RPTOR: variants seen among roughly 807,000 people sequenced by gnomAD.
The protein encoded by RPTOR is regulatory-associated protein of mTOR.
A neutral mutation model predicts 169.9 loss-of-function variants in RPTOR; 21 were observed. The observed-to-expected ratio is 0.12, with a 90% CI of 0.09 to 0.18. The LOEUF is 0.18. Ranked by LOEUF, RPTOR falls within the 10% of genes least tolerant of loss-of-function variation. RPTOR has a pLI of 1.00. For missense variants in RPTOR, 1,133 were observed against 1,855.9 expected (o/e 0.61, Z 7.16); for synonymous variants, 732 against 753.2 (o/e 0.97, Z 0.46).
chr17:80,596,933 C>T, intron 1 of RPTOR, among the ~76,000 whole-genome samples: 1 of 152,104 alleles, frequency 6.6e-6, no homozygotes, highest in East Asian at 1.9e-4. Flanking sequence ...CTTTGGTATT[C>T]CTGGCTGTTT....
At chr17:80,799,750 C>T (rs1297095359) in intron 7 of RPTOR, among the ~76,000 whole-genome samples, 1 of 148,994 alleles carries the variant, frequency 6.7e-6, no homozygotes, top group African/African-American at 2.5e-5. Flanking sequence ...CCCCTTCCCT[C>T]CCCAGCGGCC....
chr17:80,891,562 C>T (rs1319059037), intron 17 of RPTOR, among the ~76,000 whole-genome samples, 158 bp from the exon 18 acceptor site: 4 of 152,260 alleles, frequency 2.6e-5, no homozygotes, highest in African/African-American at 7.2e-5. Flanking sequence ...AAGGCCTCTG[C>T]TCTGACGGTT....
chr17:80,736,907 C>G (rs185310393), intron 5 of RPTOR, among the ~76,000 whole-genome samples: 2 of 152,236 alleles, frequency 1.3e-5, no homozygotes, highest in Non-Finnish European at 2.9e-5. Flanking sequence ...GCCGATTCCA[C>G]AGGAGCTCAG....
At position 80,820,369 on chromosome 17, in the gene RPTOR, T is replaced by C. The variant is rs1325040483; in HGVS notation, c.891-1832T>C. On this transcript the variant is annotated intron_variant, in intron 7 of 33. Transcript: ENST00000306801. The surrounding 1 kb of genome is among the most constrained non-coding windows in gnomAD (Gnocchi z 4.1). ...AAGACACAAGTGTGTTGGGGCTCCATGTCCACCCCACGATGCCCCCCGTGC... is the reference window on the plus strand; with the variant it reads ...AAGACACAAGTGTGTTGGGGCTCCACGTCCACCCCACGATGCCCCCCGTGC... 6.6e-6 allele frequency among the ~76,000 whole-genome samples: 1 copy of C among 152,222 alleles called. No individual in the cohort carries two copies. The highest frequency in any genetic ancestry group is 2.4e-5 in the African/African-American group (1 of 41,460).
At position 80,710,571 on chromosome 17, in the gene RPTOR, ATGTGTG is replaced by A. The variant is rs59732457; in HGVS notation, c.507+2608_507+2613del. Among the ~76,000 whole-genome samples the A allele has an allele frequency of 9.6e-3, 1,400 of 145,104 alleles. 7 individuals are homozygous for A. Among genetic ancestry groups the A allele is most frequent in the East Asian group, 0.023 (114 of 4,932 alleles). On this transcript the variant is annotated intron_variant, in intron 4 of 33. Coordinates refer to ENST00000306801, the MANE Select transcript of RPTOR (RefSeq NM_020761.3). ...TGATTTGCCTCCCTTGGTTATTTGT[ATGTGTG>A]TGTGTGTGTGTGTGTGTGTGTGTGT...
At chr17:80,652,741 C>T (rs2065650653) in intron 3 of RPTOR, among the ~76,000 whole-genome samples, 1 of 152,140 alleles carries the variant, frequency 6.6e-6, no homozygotes, top group Non-Finnish European at 1.5e-5. Flanking sequence ...TTTGTGTGGG[C>T]CCCTGCCCAC....
At chr17:80,899,695 G>T (rs1386385651) in intron 20 of RPTOR, among the ~76,000 whole-genome samples, 2 of 152,262 alleles carry the variant, frequency 1.3e-5, no homozygotes, top group African/African-American at 4.8e-5. Flanking sequence ...AGTAGCCAGA[G>T]ACCGCGTGTA....
At chr17:80,582,626 A>G (rs1265008526) in intron 1 of RPTOR, among the ~76,000 whole-genome samples, 5 of 143,136 alleles carry the variant, frequency 3.5e-5, no homozygotes, top group Non-Finnish European at 6.0e-5. Context: ...GCTCACTGCA[A>G]CCTCCGTCTC....
chr17:80,668,987 G>T (rs192751317), intron 3 of RPTOR, among the ~76,000 whole-genome samples: 12 of 103,718 alleles, frequency 1.2e-4, no homozygotes, highest in Non-Finnish European at 2.5e-4. Context: ...GCTGCCTCCC[G>T]GGTGCTTCTC....
chr17:80,949,608 G>A, intron 28 of RPTOR, 61 bp downstream of exon 28: 2 of 1,380,354 alleles, frequency 1.4e-6, no homozygotes, highest in Non-Finnish European at 2.1e-6. Flanking sequence ...GACGCACTCG[G>A]AATTCCAAGG....
In RPTOR at chr17:80,965,262, GCA is replaced by G. The variant is rs1439640865; in HGVS notation, c.*939_*940del. ...ATGGCACCACGGCCGGCACCTGGGG[GCA>G]CACACATGCAGGCGGCGTGGTCTCC... is the stretch of plus-strand genomic sequence containing the variant. On this transcript the variant is annotated 3_prime_UTR_variant, in exon 34 of 34. Transcript: ENST00000306801. 4.7e-5 allele frequency: 11 copies of G among 233,264 alleles called. No homozygotes were observed. The highest frequency in any genetic ancestry group is 1.2e-3 in the Middle Eastern group (1 of 812). 14.4% of individuals were successfully genotyped at this position (233,264 alleles called of 1,614,324 possible). A position where few individuals can be genotyped will look rare whatever the true frequency, so the allele number is the denominator to read the frequency against.
At chr17:80,846,387 G>C (rs2067730688) in intron 10 of RPTOR, 86 bp from the exon 11 acceptor site, 12 of 1,351,348 alleles carry the variant, frequency 8.9e-6, no homozygotes, top group African/African-American at 1.4e-5. Context: ...GTGAAGGCTT[G>C]GATGCCCGGC....
intron 1 of RPTOR, among the ~76,000 whole-genome samples, chr17:80,585,611 A>C (rs1039746757): frequency 6.6e-6 from 1 of 152,204 alleles, no homozygotes; most frequent in Non-Finnish European, 1.5e-5. Flanking sequence ...GCACTTGCGT[A>C]GGGTGGTCCT....
At chr17:80,924,521 G>C (rs916060791) in intron 23 of RPTOR, among the ~76,000 whole-genome samples, 2 of 152,154 alleles carry the variant, frequency 1.3e-5, no homozygotes, top group Non-Finnish European at 2.9e-5. Flanking sequence ...CACAGGTGCT[G>C]CTCAGCCCCA....
At chr17:80,853,333 C>T (rs1217877925) in intron 11 of RPTOR, among the ~76,000 whole-genome samples, 1 of 152,214 alleles carries the variant, frequency 6.6e-6, no homozygotes, top group Non-Finnish European at 1.5e-5. Context: ...ATGTCACCTC[C>T]AGGACCCGCT....
intron 6 of RPTOR, among the ~76,000 whole-genome samples, chr17:80,770,134 C>G (rs2066827863): frequency 6.6e-6 from 1 of 152,194 alleles, no homozygotes. Flanking sequence ...GGCGTCTTTT[C>G]CCGTGTCCTC....
chr17:80,948,862 C>G (rs2069136676), intron 27 of RPTOR, among the ~76,000 whole-genome samples: 1 of 152,190 alleles, frequency 6.6e-6, no homozygotes, highest in Admixed American at 6.5e-5. Context: ...TTCCTCCATT[C>G]TAAGCCCTGA....
chr17:80,791,568 T>C lies in RPTOR; in HGVS notation c.890+59T>C, dbSNP rs569117103. The C allele has an allele frequency of 2.7e-6, 4 of 1,456,822 alleles. No homozygotes were observed. The African/African-American group carries it at 5.7e-5, about 21-fold the overall frequency. 90.2% of individuals were successfully genotyped at this position (1,456,822 alleles called of 1,614,324 possible). A position where few individuals can be genotyped will look rare whatever the true frequency, so the allele number is the denominator to read the frequency against. ...GGATCTGATGAGTTTCTTTTCCTTT[T>C]TGAAGGCTCTTGCTTCTCAGAAGTA... On this transcript the variant is annotated intron_variant, in intron 7 of 33. Coordinates refer to ENST00000306801, the MANE Select transcript of RPTOR (RefSeq NM_020761.3).
chr17:80,566,507 G>T (rs965290760), intron 1 of RPTOR, among the ~76,000 whole-genome samples: 1 of 152,088 alleles, frequency 6.6e-6, no homozygotes, highest in African/African-American at 2.4e-5. Flanking sequence ...GGAGGTAGGG[G>T]TAGGTAGAAT....
Sources: allele counts gnomAD v4.1 joint callset (sites outside exome capture counted in the v4.1 genomes callset), GRCh38; gene constraint gnomAD v4.1.1; non-coding constraint Gnocchi (gnomAD v3.1); transcripts MANE v1.5; gene names NCBI Gene and HGNC (gene_info 2026-07-23, HGNC 2026-07-21).